Variants in KIF13A observed in about 807,000 individuals in gnomAD.
KIF13A encodes kinesin-like protein KIF13A.
In KIF13A, 79 loss-of-function variants were observed where a neutral mutation model predicts 212.2. The observed-to-expected ratio is 0.37, with a 90% CI of 0.31 to 0.45. KIF13A has a LOEUF of 0.45. KIF13A is among the 20% of genes least tolerant of loss of function. KIF13A has a pLI of 1.00. For synonymous variants in KIF13A, 789 were observed against 808.6 expected, an observed-to-expected ratio of 0.98 and a Z score of 0.41; for missense variants, 1,901 against 2,209.0, an observed-to-expected ratio of 0.86 and a Z score of 2.79.
At chr6:17,781,732 T>G (rs1760601732) in intron 29 of KIF13A, among the ~76,000 whole-genome samples, 1 of 149,440 alleles carries the variant, frequency 6.7e-6, no homozygotes, top group African/African-American at 2.5e-5. Context: ...GCTCAAGAGA[T>G]CCTCCCACCT....
chr6:17,847,230 G>A (rs1432666603), intron 9 of KIF13A, among the ~76,000 whole-genome samples: 2 of 152,154 alleles, frequency 1.3e-5, no homozygotes, highest in South Asian at 2.1e-4. Context: ...TCCACGAGGC[G>A]TGGCAATCTT....
chr6:17,910,793 C>T (rs994318727), intron 2 of KIF13A, among the ~76,000 whole-genome samples: 18 of 152,272 alleles, frequency 1.2e-4, no homozygotes, highest in South Asian at 4.1e-4. Flanking sequence ...GACGGAGTCT[C>T]GCTCTGTTGC....
intron 38 of KIF13A, among the ~76,000 whole-genome samples, chr6:17,766,760 G>A (rs1172558841): frequency 6.6e-6 from 1 of 151,916 alleles, no homozygotes; most frequent in African/African-American, 2.4e-5. Flanking sequence ...GGGGAGGGGG[G>A]ATTTATCTTC....
chr6:17,898,112 C>T lies in KIF13A; in HGVS notation c.159+56G>A. On this transcript the variant is annotated intron_variant, in intron 3 of 38. Coordinates refer to ENST00000259711, the MANE Select transcript of KIF13A (RefSeq NM_022113.6). The surrounding 1 kb of genome is among the most constrained non-coding windows in gnomAD (Gnocchi z 5.2). ...TTCTACATGGGTTACAGTGATAAAT[C>T]CTGGATTTTTGCACACTAAGCCAGT... 1 of 1,554,548 alleles carries T rather than the reference C, an allele frequency of 6.4e-7. No individual in the cohort carries two copies. The highest frequency in any genetic ancestry group is 1.1e-5 in the South Asian group (1 of 88,066).
At chr6:17,978,920 A>C (rs1163961530) in intron 2 of KIF13A, among the ~76,000 whole-genome samples, 1 of 152,226 alleles carries the variant, frequency 6.6e-6, no homozygotes, top group African/African-American at 2.4e-5. Context: ...CAAAAGATAT[A>C]ATAATATGGC....
chr6:17,892,885 G>A lies in KIF13A; in HGVS notation c.159+5283C>T, dbSNP rs1030981522. On this transcript the variant is annotated intron_variant, in intron 3 of 38. Coordinates refer to ENST00000259711, the MANE Select transcript of KIF13A (RefSeq NM_022113.6). This position sits in a 1 kb window ranked among gnomAD's most constrained non-coding sequence, Gnocchi z 4.7. The stretch of plus-strand genomic sequence containing the variant: ...ATCAAAGCTGGCAATATTATGTAAA[G>A]GGCGTTCCTGAGTTCTGTGAGCCAT... Among the ~76,000 whole-genome samples, 3 of 152,178 alleles carry A rather than the reference G, an allele frequency of 2.0e-5. No individual in the cohort carries two copies. Among genetic ancestry groups the A allele is most frequent in the African/African-American group, 4.8e-5 (2 of 41,436 alleles).
intron 2 of KIF13A, among the ~76,000 whole-genome samples, chr6:17,917,617 T>C (rs1664330014): frequency 6.6e-6 from 1 of 152,134 alleles, no homozygotes; most frequent in Non-Finnish European, 1.5e-5. Context: ...GCTCCATTTC[T>C]CAGATGAGTA....
intron 2 of KIF13A, among the ~76,000 whole-genome samples, chr6:17,953,113 G>A (rs9383335): frequency 6.6e-6 from 1 of 151,992 alleles, no homozygotes. Context: ...ATTAAGCAAA[G>A]AAATTATCAT....
chr6:17,856,013 T>C lies in KIF13A; in HGVS notation c.313+17A>G, dbSNP rs78733347. 10,898 of 1,575,016 alleles carry C rather than the reference T, an allele frequency of 6.9e-3. 732 individuals carry two copies. In the East Asian group the frequency reaches 0.17, roughly 25 times the overall value. On this transcript the variant is annotated intron_variant, in intron 5 of 38. Coordinates refer to ENST00000259711, the MANE Select transcript of KIF13A (RefSeq NM_022113.6). This position sits in a 1 kb window ranked among gnomAD's most constrained non-coding sequence, Gnocchi z 4.5. ...GGCATGATCCCCCACATCTGGTCTA[T>C]AAAAGCAACTTCTTACCTGTCTGTC...
In KIF13A at chr6:17,971,974, A is replaced by T. The variant is rs1384534359; in HGVS notation, c.146+15080T>A. Among the ~76,000 whole-genome samples the T allele has an allele frequency of 6.6e-6, 1 of 152,214 alleles. No homozygotes were observed. ...AATTTTTGAACACTATTTCCAATGC[A>T]TAATTCATCATAAAAATGTAGACTA... On this transcript the variant is annotated intron_variant, in intron 2 of 38. Transcript: ENST00000259711. The surrounding 1 kb of genome is among the most constrained non-coding windows in gnomAD (Gnocchi z 4.2).
chr6:17,982,733 T>G lies in KIF13A; in HGVS notation c.146+4321A>C, dbSNP rs765579178. ...CTTCTGTAGAAAGCAAGTTCCACTA[T>G]ATTCTTTTCACAGCACAGCATCACT... On this transcript the variant is annotated intron_variant, in intron 2 of 38. Coordinates refer to ENST00000259711, the MANE Select transcript of KIF13A (RefSeq NM_022113.6). The surrounding 1 kb of genome is among the most constrained non-coding windows in gnomAD (Gnocchi z 5.1). Among the ~76,000 whole-genome samples the G allele has an allele frequency of 6.6e-6, 1 of 152,216 alleles. No homozygotes were observed. Among genetic ancestry groups the G allele is most frequent in the Non-Finnish European group, 1.5e-5 (1 of 68,046 alleles).
At chr6:17,795,225 A>G (rs1761927630) in intron 23 of KIF13A, among the ~76,000 whole-genome samples, 2 of 152,082 alleles carry the variant, frequency 1.3e-5, no homozygotes, top group African/African-American at 4.8e-5. Flanking sequence ...ATTTATCCCC[A>G]TTCACTCACT....
In KIF13A at chr6:17,834,922, A is replaced by G. The variant is rs1053803104; in HGVS notation, c.1156-851T>C. On this transcript the variant is annotated intron_variant, in intron 11 of 38. Transcript: ENST00000259711. The surrounding 1 kb of genome is among the most constrained non-coding windows in gnomAD (Gnocchi z 4.0). ...TATATGAAAATTATAGGCCAGGCCAATGGCTCCTGCCTGTAACCCCAACAG... is the reference window on the plus strand; with the variant it reads ...TATATGAAAATTATAGGCCAGGCCAGTGGCTCCTGCCTGTAACCCCAACAG... Among the ~76,000 whole-genome samples the G allele has an allele frequency of 2.0e-5, 3 of 152,166 alleles. No homozygotes were observed. The highest frequency in any genetic ancestry group is 7.2e-5 in the African/African-American group (3 of 41,524).
intron 16 of KIF13A, among the ~76,000 whole-genome samples, chr6:17,823,273 C>T (rs1392060453): frequency 6.6e-6 from 1 of 151,524 alleles, no homozygotes; most frequent in Non-Finnish European, 1.5e-5. Flanking sequence ...TGCAGGTGAG[C>T]CACCTGCCTC....
chr6:17,804,831 A>AAAAAAAG (rs1762800363), intron 19 of KIF13A, among the ~76,000 whole-genome samples: 1 of 147,732 alleles, frequency 6.8e-6, no homozygotes, highest in Admixed American at 6.8e-5. Context: ...AAAAAAAAAA[A>AAAAAAAG]AAAAAAAAAA....
chr6:17,975,092 C>T (rs1049878552), intron 2 of KIF13A, among the ~76,000 whole-genome samples: 7 of 152,062 alleles, frequency 4.6e-5, no homozygotes, highest in Non-Finnish European at 8.8e-5. Context: ...ACCTGTAATC[C>T]CAGAACTTTG....
chr6:17,860,042 G>C (rs1032965953), intron 4 of KIF13A, among the ~76,000 whole-genome samples: 1 of 151,958 alleles, frequency 6.6e-6, no homozygotes, highest in Non-Finnish European at 1.5e-5. Flanking sequence ...GCAGGGTTTG[G>C]GTCAGCTTAT....
Position 17,825,833 on chromosome 6 carries a change from G to A in KIF13A, c.1721C>T (p.Ser574Phe). The change falls in exon 16 of 39, where the codon TCT becomes TTT. Residue 574 changes from serine (S) to phenylalanine (F), a missense_variant. By Grantham distance (155) the Ser-to-Phe change is radical. Coordinates refer to ENST00000259711, the MANE Select transcript of KIF13A (RefSeq NM_022113.6). This position sits in a 1 kb window ranked among gnomAD's most constrained non-coding sequence, Gnocchi z 4.5. Reference sequence around the variant, plus strand: ...AAATTCATAGTTATAGTCTGGTTCAGAGGAAGCCTCACTGGCTGCATCCAG... The same window carrying A: ...AAATTCATAGTTATAGTCTGGTTCAAAGGAAGCCTCACTGGCTGCATCCAG... ...HDLDAASEAS[S>F]EPDYNYEFAQ... The A allele has an allele frequency of 6.2e-7, 1 of 1,613,986 alleles. No homozygotes were observed.
In KIF13A at chr6:17,777,837, AT is replaced by A. The variant is rs960070775; in HGVS notation, c.4093-484del. 3.0e-4 allele frequency among the ~76,000 whole-genome samples: 19 copies of A among 63,920 alleles called. No individual in the cohort carries two copies. Among genetic ancestry groups the A allele is most frequent in the African/African-American group, 6.1e-4 (17 of 28,096 alleles). The allele number at this position is 63,920 out of a possible 152,430, so 41.9% of individuals were successfully genotyped here. On this transcript the variant is annotated intron_variant, in intron 33 of 38. Transcript: ENST00000259711. This position sits in a 1 kb window ranked among gnomAD's most constrained non-coding sequence, Gnocchi z 4.4. ...ATTTGTTTAGCAATTTATCAAAAAT[AT>A]TTTTTTTAAGATAAATAAAACTGCA...
Sources: allele counts gnomAD v4.1 joint callset (sites outside exome capture counted in the v4.1 genomes callset), GRCh38; gene constraint gnomAD v4.1.1; non-coding constraint Gnocchi (gnomAD v3.1); transcripts MANE v1.5; gene names NCBI Gene and HGNC (gene_info 2026-07-23, HGNC 2026-07-21).